Variants in NAAA observed in about 807,000 individuals in gnomAD.
NAAA encodes the protein N-acylethanolamine-hydrolyzing acid amidase.
A neutral mutation model predicts 44.8 loss-of-function variants in NAAA; 39 were observed. The ratio of observed to expected loss-of-function variants is 0.87; its 90% CI spans 0.67 to 1.14. NAAA has a LOEUF of 1.14. NAAA is among the 50% of genes most tolerant of loss of function. The pLI is 0.00. For synonymous variants in NAAA, 178 were observed against 191.3 expected, an observed-to-expected ratio of 0.93 and a Z score of 0.58; for missense variants, 460 against 467.8, an observed-to-expected ratio of 0.98 and a Z score of 0.15.
chr4:75,917,173 CA>C, intron 9 of NAAA: 4 of 763,022 alleles, frequency 5.2e-6, no homozygotes, highest in African/African-American at 1.9e-5. Context: ...ATTAAAAGGG[CA>C]ACATTGTGCC....
intron 8 of NAAA, 26 bp from the exon 9 acceptor site, chr4:75,918,815 G>A (rs748693357): frequency 6.3e-7 from 1 of 1,598,744 alleles, no homozygotes. Flanking sequence ...TCATTTTATA[G>A]AGAAGATTAC....
In NAAA at chr4:75,940,966, G is replaced by A; in HGVS notation, c.-17C>T. 6 of 1,462,632 alleles carry A rather than the reference G, an allele frequency of 4.1e-6. No individual in the cohort carries two copies. The highest frequency in any genetic ancestry group is 2.4e-4 in the Middle Eastern group (1 of 4,126). The allele number at this position is 1,462,632 out of a possible 1,614,324, so 90.6% of individuals were successfully genotyped here. ...GGTCCGCATGGCTCGGGCTCCAGCG[G>A]CCGCAACTTGGAGACCTGCAGCCGC... On this transcript the variant is annotated 5_prime_UTR_variant, in exon 1 of 11. Transcript: ENST00000286733.
At chr4:75,914,631 T>C (rs1725488874) in intron 10 of NAAA, among the ~76,000 whole-genome samples, 3 of 152,080 alleles carry the variant, frequency 2.0e-5, no homozygotes, top group African/African-American at 7.2e-5. Context: ...TGCCTGCCTC[T>C]GCCTCTCAAA....
At chr4:75,916,839 G>A (rs1261730657) in intron 9 of NAAA, among the ~76,000 whole-genome samples, 1 of 126,986 alleles carries the variant, frequency 7.9e-6, no homozygotes, top group African/African-American at 3.1e-5. Context: ...CCAGGCTGGA[G>A]TGCAATCTCA....
chr4:75,916,304 G>A (rs1015789989), intron 9 of NAAA: 1 of 152,148 alleles, frequency 6.6e-6, no homozygotes. Context: ...CTCAGTTGAG[G>A]TTAATCATTA....
At chr4:75,930,865 G>A (rs1445230177) in intron 4 of NAAA, among the ~76,000 whole-genome samples, 3 of 151,868 alleles carry the variant, frequency 2.0e-5, no homozygotes, top group Non-Finnish European at 2.9e-5. Flanking sequence ...TACTACCTAC[G>A]GCCTTCATCC....
chr4:75,910,935 A>T (rs760006465), downstream of NAAA, among the ~76,000 whole-genome samples: 32 of 152,330 alleles, frequency 2.1e-4, no homozygotes, highest in Non-Finnish European at 4.7e-4. Flanking sequence ...GATTATCATT[A>T]GTTCTTATAG....
At chr4:75,911,795 C>G (rs114927138), downstream of NAAA, among the ~76,000 whole-genome samples, 5 of 152,184 alleles carry the variant, frequency 3.3e-5, no homozygotes, top group Non-Finnish European at 7.3e-5. Flanking sequence ...ATAGAAACTA[C>G]GCCTACATTT....
chr4:75,910,923 A>G (rs1142644), downstream of NAAA, among the ~76,000 whole-genome samples: 14,190 of 152,216 alleles, frequency 0.093, 1,215 homozygotes, highest in African/African-American at 0.23. Context: ...AAAGGGTGGT[A>G]GGATTATCAT....
chr4:75,911,301 G>T (rs1358524496), downstream of NAAA: 2 of 516,302 alleles, frequency 3.9e-6, no homozygotes, highest in Non-Finnish European at 7.6e-6. Flanking sequence ...GCATATGATG[G>T]CTTAGCTTGG....
intron 4 of NAAA, among the ~76,000 whole-genome samples, chr4:75,929,545 A>T (rs1294964134): frequency 6.6e-6 from 1 of 152,242 alleles, no homozygotes; most frequent in Non-Finnish European, 1.5e-5. Flanking sequence ...TTTGGTAAAC[A>T]ACTTGAGTTG....
intron 9 of NAAA, 140 bp downstream of exon 9, chr4:75,918,621 A>ACCCACAGGAGTGCCCCCACAGGAGTGCC: frequency 6.5e-6 from 5 of 774,554 alleles, no homozygotes; most frequent in Admixed American, 2.1e-5. Context: ...TCGCAGCTGT[A>ACCCACAGGAGTGCCCCCACAGGAGTGCC]CCCACAGGAG....
At chr4:75,927,712 CAT>C (rs755509511) in intron 4 of NAAA, among the ~76,000 whole-genome samples, 10 of 123,646 alleles carry the variant, frequency 8.1e-5, no homozygotes, top group Admixed American at 4.0e-4. Flanking sequence ...TTTAAGGTAA[CAT>C]ATCACAATTA....
intron 3 of NAAA, 85 bp from the exon 4 acceptor site, chr4:75,931,389 T>C (rs1447799768): frequency 5.1e-6 from 5 of 990,094 alleles, no homozygotes; most frequent in South Asian, 1.6e-5. Context: ...ATTTTCTGGA[T>C]TTTTTTTCTT....
At chr4:75,939,495 A>T (rs1004849453) in intron 2 of NAAA, among the ~76,000 whole-genome samples, 2 of 148,302 alleles carry the variant, frequency 1.3e-5, no homozygotes, top group Admixed American at 6.8e-5. Context: ...GGCTCGCTGC[A>T]ACCTCCGCCT....
intron 4 of NAAA, among the ~76,000 whole-genome samples, chr4:75,927,602 T>TAA (rs540432436): frequency 9.9e-6 from 1 of 101,080 alleles, no homozygotes; most frequent in Non-Finnish European, 2.0e-5. Flanking sequence ...TTGTTTCTAC[T>TAA]AAAAAAAAAA....
chr4:75,927,659 T>G (rs1407580118), intron 4 of NAAA, among the ~76,000 whole-genome samples: 2 of 37,926 alleles, frequency 5.3e-5, no homozygotes, highest in Non-Finnish European at 9.6e-5. Context: ...CCAAAAAAAA[T>G]AGCTAGAATT....
intron 3 of NAAA, among the ~76,000 whole-genome samples, chr4:75,934,078 A>G (rs1282097147): frequency 6.8e-6 from 1 of 147,506 alleles, no homozygotes; most frequent in African/African-American, 2.5e-5. Flanking sequence ...TAATAATAAT[A>G]ATAATAATAA....
downstream of NAAA, among the ~76,000 whole-genome samples, chr4:75,910,954 T>C (rs141963238): frequency 8.5e-5 from 13 of 152,326 alleles, no homozygotes; most frequent in East Asian, 2.5e-3. Flanking sequence ...AGGTTTGGGA[T>C]AGACGGTGGA....
Sources: gnomAD v4.1 joint callset for allele counts (sites outside exome capture counted in the v4.1 genomes callset) on GRCh38, gnomAD v4.1.1 for gene constraint, MANE v1.5 for transcripts, NCBI Gene and HGNC (gene_info 2026-07-23, HGNC 2026-07-21) for gene names.